The following ALK variants were observed in gnomAD, a reference collection of about 807,000 sequenced individuals.
The protein encoded by ALK is ALK tyrosine kinase receptor.
Under a neutral mutation model 163.1 loss-of-function variants are expected in ALK, and 74 were observed. The ratio of observed to expected loss-of-function variants is 0.45; its 90% confidence interval spans 0.38 to 0.55. The LOEUF (loss-of-function observed/expected upper bound fraction) is 0.55. Ranked by LOEUF, ALK falls within the 20% of genes least tolerant of loss-of-function variation. The pLI is 0.00. For synonymous variants in ALK, 960 were observed against 843.2 expected (o/e 1.14, Z -2.40); for missense variants, 2,063 against 2,105.3 (o/e 0.98, Z 0.39).
intron 5 of ALK, among the ~76,000 whole-genome samples, chr2:29,344,867 T>G (rs558265930): frequency 1.3e-5 from 2 of 152,238 alleles, no homozygotes; most frequent in South Asian, 2.1e-4. Flanking sequence ...GTAAGAATTC[T>G]AAACAAAAGA....
chr2:29,678,056 C>G (rs1002773347), intron 3 of ALK, among the ~76,000 whole-genome samples: 1 of 151,998 alleles, frequency 6.6e-6, no homozygotes, highest in South Asian at 2.1e-4. Flanking sequence ...TCTAAGTTGT[C>G]ATATATTGTC....
rs4584985 is a variant in ALK, at chr2:29,508,187, C to T, written c.1154+23728G>A. On this transcript the variant is annotated intron_variant, in intron 4 of 28. Coordinates refer to ENST00000389048, the MANE Select transcript of ALK (RefSeq NM_004304.5). ...ATGTTCAAGGCAAGCAGAAAGTACA[C>T]GTGGACCCTCTGAAACTGTTCTGGC... 2.7e-3 allele frequency among the ~76,000 whole-genome samples: 416 copies of T among 151,954 alleles called. 2 individuals are homozygous for T. The highest frequency in any genetic ancestry group is 9.1e-3 in the African/African-American group (376 of 41,434).
chr2:29,296,882 G>A lies in ALK; in HGVS notation c.1817+6C>T, dbSNP rs1558658288. The stretch of plus-strand genomic sequence containing the variant: ...AAGGGTATTGGGGGAGATGCATAGA[G>A]CCTACCTGTCAGACACATCGAGGAG... On this transcript the variant is annotated splice_donor_region_variant and intron_variant, in intron 9 of 28. Coordinates refer to ENST00000389048, the MANE Select transcript of ALK (RefSeq NM_004304.5). 2 of 1,614,118 alleles carry A rather than the reference G, an allele frequency of 1.2e-6. No individual in the cohort carries two copies. The highest frequency in any genetic ancestry group is 2.2e-5 in the East Asian group (1 of 44,864).
At chr2:29,364,581 C>G (rs543047632) in intron 5 of ALK, among the ~76,000 whole-genome samples, 1 of 152,226 alleles carries the variant, frequency 6.6e-6, no homozygotes, top group African/African-American at 2.4e-5. Context: ...AAAACTGAAG[C>G]CCAGTGTAGG....
At chr2:29,392,593 C>T (rs1357768932) in intron 4 of ALK, among the ~76,000 whole-genome samples, 2 of 152,160 alleles carry the variant, frequency 1.3e-5, no homozygotes, top group African/African-American at 4.8e-5. Flanking sequence ...CTGATGTCCA[C>T]CCTGGCCCTG....
At position 29,859,775 on chromosome 2, in the gene ALK, T is replaced by C. The variant is rs140658879; in HGVS notation, c.667+60218A>G. 3.7e-3 allele frequency among the ~76,000 whole-genome samples: 562 copies of C among 152,284 alleles called. 1 individual carries two copies. The highest frequency in any genetic ancestry group is 0.013 in the African/African-American group (537 of 41,560). On this transcript the variant is annotated intron_variant, in intron 1 of 28. Coordinates refer to ENST00000389048, the MANE Select transcript of ALK (RefSeq NM_004304.5). ...GAAGACGGTTTGGTCACATAGGGACTGAGTTACTGGAAAGACTTCTTCTAG... is the reference window on the plus strand; with the variant it reads ...GAAGACGGTTTGGTCACATAGGGACCGAGTTACTGGAAAGACTTCTTCTAG...
At chr2:29,418,194 G>A (rs2148327501) in intron 4 of ALK, among the ~76,000 whole-genome samples, 1 of 152,306 alleles carries the variant, frequency 6.6e-6, no homozygotes, top group East Asian at 1.9e-4. Context: ...TAACTCTGCA[G>A]TTAAAACATA....
intron 4 of ALK, among the ~76,000 whole-genome samples, chr2:29,439,436 T>C (rs1176884955): frequency 1.3e-5 from 2 of 152,096 alleles, no homozygotes; most frequent in Non-Finnish European, 2.9e-5. Context: ...AATTAACACA[T>C]CAATTCAATG....
intron 1 of ALK, among the ~76,000 whole-genome samples, chr2:29,817,163 G>T (rs1244470654): frequency 1.3e-5 from 2 of 152,004 alleles, no homozygotes; most frequent in Admixed American, 1.3e-4. Context: ...CCAACCAGGT[G>T]GGAGTTCAAG....
intron 3 of ALK, among the ~76,000 whole-genome samples, chr2:29,573,195 T>C (rs1674428333): frequency 6.6e-6 from 1 of 152,216 alleles, no homozygotes. Context: ...TTCTAGAGCA[T>C]CCCTCAGAGC....
At chr2:29,722,097 T>C (rs1679438115) in intron 1 of ALK, among the ~76,000 whole-genome samples, 1 of 152,226 alleles carries the variant, frequency 6.6e-6, no homozygotes. Flanking sequence ...GGTCACCACA[T>C]AGTCTTTGGT....
At chr2:29,198,695 A>C (rs1256642797) in intron 26 of ALK, among the ~76,000 whole-genome samples, 1 of 152,220 alleles carries the variant, frequency 6.6e-6, no homozygotes, top group Non-Finnish European at 1.5e-5. Flanking sequence ...TATTCTTAAT[A>C]ATAATGACAA....
chr2:29,820,185 C>T (rs980562426), intron 1 of ALK, among the ~76,000 whole-genome samples: 1 of 152,204 alleles, frequency 6.6e-6, no homozygotes, highest in African/African-American at 2.4e-5. Context: ...ATTGCAGCTT[C>T]CTCCTTGTCC....
chr2:29,451,676 A>G (rs1360302808), intron 4 of ALK, among the ~76,000 whole-genome samples: 1 of 152,170 alleles, frequency 6.6e-6, no homozygotes, highest in African/African-American at 2.4e-5. Flanking sequence ...CAAATCCGAC[A>G]GCAATTTTTC....
chr2:29,710,816 C>T (rs924067055), intron 2 of ALK, among the ~76,000 whole-genome samples: 1 of 152,082 alleles, frequency 6.6e-6, no homozygotes, highest in Admixed American at 6.6e-5. Flanking sequence ...TGGCCTCAAC[C>T]TCAGTCTTGC....
intron 1 of ALK, among the ~76,000 whole-genome samples, chr2:29,817,211 C>G (rs12995233): frequency 0.68 from 100,918 of 148,050 alleles, 34,430 homozygotes; most frequent in South Asian, 0.78. Context: ...TCACACTAAG[C>G]GGTGGGGTGT....
chr2:29,235,095 G>T (rs1465454990), intron 13 of ALK, among the ~76,000 whole-genome samples: 1 of 152,224 alleles, frequency 6.6e-6, no homozygotes, highest in Non-Finnish European at 1.5e-5. Context: ...CCCCAGGATT[G>T]TGCTGGAGAT....
At chr2:29,670,826 G>A (rs1351681861) in intron 3 of ALK, among the ~76,000 whole-genome samples, 3 of 151,952 alleles carry the variant, frequency 2.0e-5, no homozygotes, top group Non-Finnish European at 4.4e-5. Context: ...GTATTTCTCA[G>A]TTCTAAGGTT....
intron 3 of ALK, among the ~76,000 whole-genome samples, chr2:29,692,610 T>G (rs1678432748): frequency 6.6e-6 from 1 of 152,254 alleles, no homozygotes; most frequent in Non-Finnish European, 1.5e-5. Flanking sequence ...TATAAGAATC[T>G]AATGCGGCAG....
Sources: gnomAD v4.1 joint callset for allele counts (sites outside exome capture counted in the v4.1 genomes callset) on GRCh38, gnomAD v4.1.1 for gene constraint, MANE v1.5 for transcripts, NCBI Gene and HGNC (gene_info 2026-07-23, HGNC 2026-07-21) for gene names.